The following MYO19 variants were observed in gnomAD, a reference collection of about 807,000 sequenced individuals.
The protein encoded by MYO19 is myosin XIX.
A neutral mutation model predicts 129.2 loss-of-function variants in MYO19; 132 were observed. That is an observed-to-expected ratio of 1.02 (90% confidence interval 0.89 to 1.18). The LOEUF (loss-of-function observed/expected upper bound fraction) is 1.18. Among genes scored for constraint, MYO19 ranks in the 50% most tolerant of loss-of-function variants. The probability of loss-of-function intolerance (pLI) is 0.00; values close to 1 mark genes in which losing one functional copy is unlikely to be tolerated. For synonymous variants in MYO19, 531 were observed against 477.2 expected (o/e 1.11, Z -1.47); for missense variants, 1,210 against 1,216.7 (o/e 0.99, Z 0.08).
intron 5 of MYO19, among the ~76,000 whole-genome samples, chr17:36,525,744 G>A (rs1480595056): frequency 1.3e-5 from 2 of 152,152 alleles, no homozygotes; most frequent in Non-Finnish European, 2.9e-5. Flanking sequence ...AGGTTCAGAG[G>A]AGTTAAATAA....
At chr17:36,538,006 A>T (rs773486077), upstream of MYO19, 7 of 1,614,048 alleles carry the variant, frequency 4.3e-6, no homozygotes, top group South Asian at 7.7e-5. Flanking sequence ...TTAAATGCCA[A>T]CCGCGAAGGA....
intron 7 of MYO19, 148 bp from the exon 8 acceptor site, chr17:36,515,330 C>T: frequency 3.3e-6 from 2 of 611,870 alleles, no homozygotes; most frequent in Non-Finnish European, 5.5e-6. Context: ...GGGGACAGGA[C>T]TAGAAAATGG....
chr17:36,515,399 T>A (rs575070523), intron 7 of MYO19, among the ~76,000 whole-genome samples: 6 of 152,060 alleles, frequency 3.9e-5, no homozygotes, highest in African/African-American at 1.4e-4. Flanking sequence ...TGGCAAGAAA[T>A]TGGAATGAGC....
At chr17:36,507,590 G>T in intron 15 of MYO19, 78 bp from the exon 16 acceptor site, 1 of 1,459,462 alleles carries the variant, frequency 6.9e-7, no homozygotes, top group East Asian at 2.3e-5. Context: ...GGCTGGCCTC[G>T]GTACCACAGC....
chr17:36,521,893 T>A (rs2142246190), intron 6 of MYO19, among the ~76,000 whole-genome samples: 1 of 151,134 alleles, frequency 6.6e-6, no homozygotes, highest in East Asian at 1.9e-4. Context: ...TAGCTGGGTG[T>A]GGTGGTGCAT....
intron 11 of MYO19, 176 bp downstream of exon 11, chr17:36,513,253 C>A: frequency 1.4e-6 from 2 of 1,468,300 alleles, no homozygotes; most frequent in Non-Finnish European, 1.8e-6. Flanking sequence ...GTCCACCCCA[C>A]CACCTGGTCT....
chr17:36,537,811 A>G, upstream of MYO19: 1 of 1,614,120 alleles, frequency 6.2e-7, no homozygotes, highest in Non-Finnish European at 8.5e-7. Context: ...GTTCACTGGA[A>G]CTTTTTCTTT....
intron 6 of MYO19, among the ~76,000 whole-genome samples, chr17:36,520,856 G>A (rs1167885008): frequency 6.6e-6 from 1 of 152,212 alleles, no homozygotes; most frequent in Non-Finnish European, 1.5e-5. Flanking sequence ...ATTATATGCA[G>A]ATTTTCAATT....
At chr17:36,498,177 G>T in intron 25 of MYO19, 89 bp downstream of exon 25, 2 of 1,442,742 alleles carry the variant, frequency 1.4e-6, no homozygotes, top group Non-Finnish European at 1.9e-6. Flanking sequence ...TCTTGTCCCA[G>T]CCTCAGTCTC....
intron 3 of MYO19, among the ~76,000 whole-genome samples, chr17:36,528,764 G>T (rs560528680): frequency 3.2e-4 from 48 of 152,266 alleles, no homozygotes; most frequent in African/African-American, 1.1e-3. Flanking sequence ...GAAAAGAAGA[G>T]ATATACAAAG....
intron 6 of MYO19, among the ~76,000 whole-genome samples, chr17:36,524,483 A>G (rs1051223431): frequency 6.6e-6 from 1 of 152,232 alleles, no homozygotes; most frequent in African/African-American, 2.4e-5. Flanking sequence ...AGAAGGTGGC[A>G]AGGCCTTGGC....
At chr17:36,518,572 G>A (rs12451969) in intron 6 of MYO19, among the ~76,000 whole-genome samples, 5 of 101,666 alleles carry the variant, frequency 4.9e-5, no homozygotes, top group African/African-American at 7.8e-5. Context: ...GTATATATAT[G>A]TATATACATA....
chr17:36,514,162 A>G (rs890252146), intron 9 of MYO19, among the ~76,000 whole-genome samples: 3 of 152,192 alleles, frequency 2.0e-5, no homozygotes, highest in Non-Finnish European at 2.9e-5. Flanking sequence ...CCTTAAAATG[A>G]TAAGAGTGAC....
rs1371242597 is a variant in MYO19 at position 36,495,775 on chromosome 17, T to G, written c.*476A>C. 1 of 1,233,804 alleles carries G rather than the reference T, an allele frequency of 8.1e-7. No individual in the cohort carries two copies. Among genetic ancestry groups the G allele is most frequent in the Non-Finnish European group, 1.0e-6 (1 of 989,802 alleles). 76.4% of individuals were successfully genotyped at this position (1,233,804 alleles called of 1,614,324 possible). A position where few individuals can be genotyped will look rare whatever the true frequency, so the allele number is the denominator to read the frequency against. ...TACTGTACATTGCATTATTCATAAT[T>G]TAATTGTTTGAAATTACATTAAATA... On this transcript the variant is annotated 3_prime_UTR_variant, in exon 26 of 26. Coordinates refer to ENST00000614623, the MANE Select transcript of MYO19 (RefSeq NM_001163735.2).
At chr17:36,527,167 A>AAAATAAAT (rs1013454088) in intron 5 of MYO19, among the ~76,000 whole-genome samples, 3 of 148,056 alleles carry the variant, frequency 2.0e-5, no homozygotes, top group Non-Finnish European at 3.0e-5. Context: ...ACTCCATCTC[A>AAAATAAAT]AAATAAATAA....
At position 36,506,870 on chromosome 17, in the gene MYO19, A is replaced by T. The variant is rs964527586; in HGVS notation, c.1644+93T>A. 12 of 1,388,682 alleles carry T rather than the reference A, an allele frequency of 8.6e-6. No homozygotes were observed. The African/African-American group carries it at 1.6e-4, about 19-fold the overall frequency. The allele number at this position is 1,388,682 out of a possible 1,614,324, so 86.0% of individuals were successfully genotyped here. ...GATTCTGGGAGGAGGTTCAGGAGAG[A>T]AAGGACTCACGATGGGAAACTACTA... On this transcript the variant is annotated intron_variant, in intron 17 of 25. Transcript: ENST00000614623.
intron 6 of MYO19, among the ~76,000 whole-genome samples, chr17:36,518,573 T>C (rs999014094): frequency 2.2e-5 from 3 of 135,164 alleles, no homozygotes; most frequent in African/African-American, 8.5e-5. Context: ...TATATATATG[T>C]ATATACATAA....
Position 36,507,748 on chromosome 17 carries a change from G to A in MYO19, c.1353+55C>T, listed in dbSNP as rs1044507533. The A allele has an allele frequency of 3.9e-6, 6 of 1,526,038 alleles. No individual in the cohort carries two copies. In the African/African-American group the frequency reaches 8.3e-5, roughly 21 times the overall value. 94.5% of individuals were successfully genotyped at this position (1,526,038 alleles called of 1,614,324 possible). ...ACCTGGACTGGGGCTGGAAGGTCAG[G>A]AAGGGATTGAGGATCCAAAAGAAGG... On this transcript the variant is annotated intron_variant, in intron 15 of 25. Transcript: ENST00000614623.
rs1431786359 is a variant in MYO19 at position 36,511,517 on chromosome 17, A to G, written c.895-62T>C. On this transcript the variant is annotated intron_variant, in intron 11 of 25. Coordinates refer to ENST00000614623, the MANE Select transcript of MYO19 (RefSeq NM_001163735.2). The stretch of plus-strand genomic sequence containing the variant: ...GGCGTGACGTGGGCCTACTCTGGGA[A>G]GGGCCGTTCTGCTGAGTACAATCAC... 4 of 1,445,158 alleles carry G rather than the reference A, an allele frequency of 2.8e-6. No homozygotes were observed. In the African/African-American group the frequency reaches 4.2e-5, roughly 15 times the overall value. The allele number at this position is 1,445,158 out of a possible 1,614,324, so 89.5% of individuals were successfully genotyped here.
Sources: gnomAD v4.1 joint callset for allele counts (sites outside exome capture counted in the v4.1 genomes callset) on GRCh38, gnomAD v4.1.1 for gene constraint, MANE v1.5 for transcripts, NCBI Gene and HGNC (gene_info 2026-07-23, HGNC 2026-07-21) for gene names.